MAGI1: variants seen among roughly 807,000 people sequenced by gnomAD.
MAGI1 encodes the protein membrane-associated guanylate kinase, WW and PDZ domain-containing protein 1.
In MAGI1, 58 loss-of-function variants were observed where a neutral mutation model predicts 139.9. That is an observed-to-expected ratio of 0.41 (90% CI 0.34 to 0.52). MAGI1 has a LOEUF of 0.52. Among genes scored for constraint, MAGI1 ranks in the 20% least tolerant of loss-of-function variants. MAGI1 has a pLI of 0.12. For synonymous variants in MAGI1, 812 were observed against 737.9 expected, an observed-to-expected ratio of 1.10 and a Z score of -1.63; for missense variants, 1,874 against 1,901.6, an observed-to-expected ratio of 0.99 and a Z score of 0.27.
intron 1 of MAGI1, among the ~76,000 whole-genome samples, chr3:66,007,435 G>A (rs1255512405): frequency 3.9e-5 from 6 of 152,238 alleles, no homozygotes; most frequent in Non-Finnish European, 1.5e-5. Flanking sequence ...ATCGCTGCCT[G>A]AGAAATCAGG....
At chr3:65,462,067 T>C (rs1446744421) in intron 5 of MAGI1, among the ~76,000 whole-genome samples, 3 of 152,216 alleles carry the variant, frequency 2.0e-5, no homozygotes, top group East Asian at 1.9e-4. Flanking sequence ...ATTCTGTAGG[T>C]TGCCCATTCA....
chr3:65,943,017 T>C (rs1475695781), intron 1 of MAGI1, among the ~76,000 whole-genome samples: 3 of 152,154 alleles, frequency 2.0e-5, no homozygotes. Flanking sequence ...GGAGACTCTG[T>C]CTCAAAAGAA....
At chr3:65,613,611 T>C (rs1403866459) in intron 2 of MAGI1, among the ~76,000 whole-genome samples, 1 of 152,150 alleles carries the variant, frequency 6.6e-6, no homozygotes, top group African/African-American at 2.4e-5. Context: ...ACTCAGCAAC[T>C]ATACAATGGC....
chr3:65,626,106 A>T (rs2107107472), intron 1 of MAGI1, among the ~76,000 whole-genome samples: 1 of 152,346 alleles, frequency 6.6e-6, no homozygotes, highest in South Asian at 2.1e-4. Flanking sequence ...CTTAGGTGAC[A>T]AGAGTTCTTG....
At chr3:65,695,181 G>C (rs2089042487) in intron 1 of MAGI1, among the ~76,000 whole-genome samples, 1 of 152,162 alleles carries the variant, frequency 6.6e-6, no homozygotes, top group Non-Finnish European at 1.5e-5. Flanking sequence ...AGAAAAAAGA[G>C]GGTCAGAGAG....
At chr3:65,507,999 G>C in intron 2 of MAGI1, among the ~76,000 whole-genome samples, 1 of 152,070 alleles carries the variant, frequency 6.6e-6, no homozygotes, top group East Asian at 1.9e-4. Flanking sequence ...GTGCTGATGT[G>C]ATAAACCCAA....
At chr3:65,376,664 T>A (rs1942564858) in intron 17 of MAGI1, among the ~76,000 whole-genome samples, 1 of 152,198 alleles carries the variant, frequency 6.6e-6, no homozygotes, top group Non-Finnish European at 1.5e-5. Context: ...GCCTGACTGG[T>A]TCATTAGCTC....
At chr3:65,910,780 G>A (rs2061627149) in intron 1 of MAGI1, among the ~76,000 whole-genome samples, 2 of 146,946 alleles carry the variant, frequency 1.4e-5, no homozygotes, top group Admixed American at 1.4e-4. Flanking sequence ...TGACCTAGTA[G>A]TTAAATCTCT....
chr3:65,950,038 G>T (rs1260336963), intron 1 of MAGI1, among the ~76,000 whole-genome samples: 2 of 60,464 alleles, frequency 3.3e-5, no homozygotes, highest in East Asian at 6.8e-4. Context: ...AACAGAGCCA[G>T]ATCATCAAAA....
chr3:65,973,991 T>C (rs968602554), intron 1 of MAGI1, among the ~76,000 whole-genome samples: 11 of 152,184 alleles, frequency 7.2e-5, no homozygotes, highest in African/African-American at 1.2e-4. Context: ...TTCAGTTTTA[T>C]AGTATACATC....
chr3:65,780,558 T>G (rs264111), intron 1 of MAGI1, among the ~76,000 whole-genome samples: 77,551 of 151,970 alleles, frequency 0.51, 20,030 homozygotes, highest in Non-Finnish European at 0.55. Context: ...TCAAACTCAA[T>G]ATTACACAGG....
intron 1 of MAGI1, among the ~76,000 whole-genome samples, chr3:65,943,447 C>T (rs577210147): frequency 7.2e-5 from 11 of 152,084 alleles, no homozygotes; most frequent in Admixed American, 3.9e-4. Context: ...TGGTGGCAGG[C>T]GCCTGTAATC....
In MAGI1 at chr3:65,610,751, C is replaced by CTATATATATATATATAT. The variant is rs59887286; in HGVS notation, c.430+11220_430+11221insATATATATATATATATA. 1.1e-3 allele frequency among the ~76,000 whole-genome samples: 24 copies of CTATATATATATATATAT among 21,180 alleles called. 1 individual carries two copies. The highest frequency in any genetic ancestry group is 1.9e-3 in the Non-Finnish European group (11 of 5,762). 13.9% of individuals were successfully genotyped at this position (21,180 alleles called of 152,430 possible). A position where few individuals can be genotyped will look rare whatever the true frequency, so the allele number is the denominator to read the frequency against. On this transcript the variant is annotated intron_variant, in intron 2 of 22. Coordinates refer to ENST00000402939, the MANE Select transcript of MAGI1 (RefSeq NM_001033057.2). The stretch of plus-strand genomic sequence containing the variant: ...ACAAATATAGTATATAGTATATATA[C>CTATATATATATATATAT]AGTATATATATAGCATATATATATA...
intron 1 of MAGI1, among the ~76,000 whole-genome samples, chr3:66,032,860 A>G (rs1379136744): frequency 6.9e-6 from 1 of 145,000 alleles, no homozygotes; most frequent in Non-Finnish European, 1.5e-5. Flanking sequence ...GGTTGCAGTG[A>G]GCCGAGATCG....
At chr3:65,743,964 TAA>T (rs5849689) in intron 1 of MAGI1, among the ~76,000 whole-genome samples, 1 of 146,986 alleles carries the variant, frequency 6.8e-6, no homozygotes, top group African/African-American at 2.5e-5. Flanking sequence ...AACTTTAAAA[TAA>T]AAAAAAAAAG....
rs142272342 is a variant in MAGI1, at chr3:65,617,605, C to T, written c.430+4367G>A. On this transcript the variant is annotated intron_variant, in intron 2 of 22. Transcript: ENST00000402939. ...AGCTCCAAGCTCATGGGAGCTTTGA[C>T]ATTTTTCTTGTGTGCTTCGAGTACC... Among the ~76,000 whole-genome samples, 33 of 152,238 alleles carry T rather than the reference C, an allele frequency of 2.2e-4. No homozygotes were observed. The East Asian group carries it at 5.6e-3, about 26-fold the overall frequency.
intron 1 of MAGI1, among the ~76,000 whole-genome samples, chr3:65,671,020 T>C (rs2086825395): frequency 6.6e-6 from 1 of 152,212 alleles, no homozygotes; most frequent in Non-Finnish European, 1.5e-5. Context: ...ATGTTAATAT[T>C]TATCATAATA....
chr3:65,547,311 C>A (rs527948071), intron 2 of MAGI1, among the ~76,000 whole-genome samples: 3 of 152,278 alleles, frequency 2.0e-5, no homozygotes, highest in African/African-American at 7.2e-5. Flanking sequence ...ACAGCCTCTG[C>A]TTTAAAATCT....
intron 2 of MAGI1, among the ~76,000 whole-genome samples, chr3:65,620,690 C>T (rs2083616959): frequency 6.6e-6 from 1 of 152,158 alleles, no homozygotes; most frequent in Non-Finnish European, 1.5e-5. Flanking sequence ...AACTGAGGAC[C>T]ACAAGTTCAC....
Sources: gnomAD v4.1 joint callset for allele counts (sites outside exome capture counted in the v4.1 genomes callset) on GRCh38, gnomAD v4.1.1 for gene constraint, MANE v1.5 for transcripts, NCBI Gene and HGNC (gene_info 2026-07-23, HGNC 2026-07-21) for gene names.